UBE2N: variants seen among roughly 807,000 people sequenced by gnomAD.
UBE2N encodes the protein ubiquitin-conjugating enzyme E2 N.
For missense variants in UBE2N, 60 were observed against 192.1 expected, an observed-to-expected ratio of 0.31 and a Z score of 4.07; for synonymous variants, 70 against 69.2, an observed-to-expected ratio of 1.01 and a Z score of -0.06.
At chr12:93,429,424 T>C (rs1878691165) in intron 1 of UBE2N, 1 of 308,234 alleles carries the variant, frequency 3.2e-6, no homozygotes, top group South Asian at 2.8e-5. Context: ...TCATGCGCTG[T>C]ATGAGTTTCA....
chr12:93,413,255 C>T (rs1446013001), intron 1 of UBE2N, among the ~76,000 whole-genome samples: 1 of 152,170 alleles, frequency 6.6e-6, no homozygotes, highest in African/African-American at 2.4e-5. Flanking sequence ...ATTCTCATGG[C>T]TCTCTTCCTC....
At chr12:93,427,612 A>G (rs1334949768) in intron 1 of UBE2N, among the ~76,000 whole-genome samples, 1 of 152,206 alleles carries the variant, frequency 6.6e-6, no homozygotes, top group Non-Finnish European at 1.5e-5. Flanking sequence ...AGTGACTGCT[A>G]ATGAGCACAG....
At chr12:93,410,915 A>T in intron 2 of UBE2N, 41 bp from the exon 3 acceptor site, 1 of 1,614,200 alleles carries the variant, frequency 6.2e-7, no homozygotes, top group Non-Finnish European at 8.5e-7. Context: ...GCATGAAAAA[A>T]ACAGGCCCAG....
intron 1 of UBE2N, among the ~76,000 whole-genome samples, chr12:93,438,344 C>CG (rs768285625): frequency 1.6e-4 from 25 of 152,030 alleles, no homozygotes; most frequent in Non-Finnish European, 3.2e-4. Context: ...CTGGTTTATA[C>CG]GGGACAGGTT....
chr12:93,420,284 C>G (rs954011817), intron 1 of UBE2N, among the ~76,000 whole-genome samples: 6 of 152,138 alleles, frequency 3.9e-5, no homozygotes, highest in South Asian at 2.1e-4. Flanking sequence ...GGCCAGATGA[C>G]TTGGGCTAGA....
chr12:93,413,171 TC>T (rs1165120973), intron 1 of UBE2N, among the ~76,000 whole-genome samples: 3 of 152,196 alleles, frequency 2.0e-5, no homozygotes, highest in Non-Finnish European at 4.4e-5. Flanking sequence ...TTAATCTTTA[TC>T]TTACCTAAAT....
rs1877952314 is a variant in UBE2N at position 93,408,998 on chromosome 12, ACTG to A, written c.*1038_*1040del. On this transcript the variant is annotated 3_prime_UTR_variant, in exon 4 of 4. Transcript: ENST00000318066. ...GTGAAAGTCCTACATGTCAGTCACA[ACTG>A]CTATCTTTGCTGTGACTTTCCTGTA... 6.5e-6 allele frequency: 1 copy of A among 152,676 alleles called. No individual in the cohort carries two copies. The highest frequency in any genetic ancestry group is 2.4e-5 in the African/African-American group (1 of 41,468). The allele number at this position is 152,676 out of a possible 1,614,324, so 9.5% of individuals were successfully genotyped here.
chr12:93,416,857 C>CAA lies in UBE2N; in HGVS notation c.31-5560_31-5559dup, dbSNP rs4020452. 1.7e-3 allele frequency among the ~76,000 whole-genome samples: 154 copies of CAA among 88,518 alleles called. 2 individuals are homozygous for CAA. The highest frequency in any genetic ancestry group is 6.6e-3 in the South Asian group (15 of 2,264). 58.1% of individuals were successfully genotyped at this position (88,518 alleles called of 152,430 possible). On this transcript the variant is annotated intron_variant, in intron 1 of 3. Coordinates refer to ENST00000318066, the MANE Select transcript of UBE2N (RefSeq NM_003348.4). ...AAGCATAGTGAGACCCCATCACTACCAAAAAAAAAAAAAAAAAAAAGTTGA... is the reference window on the plus strand; with the variant it reads ...AAGCATAGTGAGACCCCATCACTACCAAAAAAAAAAAAAAAAAAAAAAGTTGA...
intron 1 of UBE2N, 128 bp downstream of exon 1, chr12:93,441,726 AC>A: frequency 7.7e-7 from 1 of 1,299,430 alleles, no homozygotes; most frequent in Non-Finnish European, 1.0e-6. Context: ...GCCGCGGCCA[AC>A]CCCTCTCCGC....
chr12:93,441,743 C>T, intron 1 of UBE2N, 112 bp downstream of exon 1: 1 of 1,447,076 alleles, frequency 6.9e-7, no homozygotes, highest in Non-Finnish European at 9.3e-7. Context: ...TCCGCGCCGC[C>T]TCGGGCCTCC....
intron 1 of UBE2N, chr12:93,429,351 GACTT>G (rs543629544): frequency 1.7e-5 from 7 of 408,596 alleles, no homozygotes; most frequent in South Asian, 9.0e-5. Context: ...CATATTTTTA[GACTT>G]ACTGAGAAAA....
intron 1 of UBE2N, among the ~76,000 whole-genome samples, chr12:93,418,593 C>A (rs1340816788): frequency 6.7e-6 from 1 of 148,502 alleles, no homozygotes; most frequent in Non-Finnish European, 1.5e-5. Context: ...CATTACACTA[C>A]TTCCTTACAA....
intron 1 of UBE2N, among the ~76,000 whole-genome samples, chr12:93,432,455 T>C (rs1370148680): frequency 6.6e-6 from 1 of 150,456 alleles, no homozygotes; most frequent in Non-Finnish European, 1.5e-5. Flanking sequence ...AAGATGGTAA[T>C]CTAGTTGTCT....
At chr12:93,434,443 T>C (rs1336507484) in intron 1 of UBE2N, among the ~76,000 whole-genome samples, 4 of 152,248 alleles carry the variant, frequency 2.6e-5, no homozygotes, top group Non-Finnish European at 5.9e-5. Context: ...TTAATTTCAC[T>C]TGTGCAGGAG....
At chr12:93,424,114 A>AT (rs1878502124) in intron 1 of UBE2N, among the ~76,000 whole-genome samples, 1 of 152,254 alleles carries the variant, frequency 6.6e-6, no homozygotes, top group African/African-American at 2.4e-5. Context: ...ATATGTTTAC[A>AT]TTTTTTCACT....
intron 1 of UBE2N, among the ~76,000 whole-genome samples, chr12:93,427,316 G>C (rs1878625977): frequency 6.6e-6 from 1 of 152,226 alleles, no homozygotes; most frequent in African/African-American, 2.4e-5. Context: ...CTAGTTTTAT[G>C]AGAGCCAATA....
intron 1 of UBE2N, chr12:93,424,266 T>C (rs1878507780): frequency 6.6e-6 from 1 of 152,234 alleles, no homozygotes; most frequent in Non-Finnish European, 1.5e-5. Flanking sequence ...ATGTATTTAC[T>C]TACTCGACCC....
Position 93,411,263 on chromosome 12 carries a change from T to C in UBE2N, c.67A>G (p.Ile23Val). The C allele has an allele frequency of 6.2e-7, 1 of 1,611,794 alleles. No individual in the cohort carries two copies. The highest frequency in any genetic ancestry group is 8.5e-7 in the Non-Finnish European group (1 of 1,178,150). The change falls in exon 2 of 4, where the codon ATC becomes GTC. Residue 23 changes from isoleucine to valine, a missense_variant. By Grantham distance (29) the Ile-to-Val change is conservative. Transcript: ENST00000318066. ...TTGCTCTCATCTGGTTCGGCTTTGA[T>C]GCCAGGAACTGGTTCTGCCAGCAAA... ...QRLLAEPVPG[I>V]KAEPDESNAR...
intron 1 of UBE2N, among the ~76,000 whole-genome samples, chr12:93,435,982 CG>C (rs1878922861): frequency 6.6e-6 from 1 of 152,094 alleles, no homozygotes; most frequent in Admixed American, 6.5e-5. Flanking sequence ...GTAAATTCTG[CG>C]AAAGACTGGT....
Sources: gnomAD v4.1 joint callset for allele counts (sites outside exome capture counted in the v4.1 genomes callset) on GRCh38, gnomAD v4.1.1 for gene constraint, MANE v1.5 for transcripts, NCBI Gene and HGNC (gene_info 2026-07-23, HGNC 2026-07-21) for gene names.